The following HEPACAM variants were observed in gnomAD, a reference collection of about 807,000 sequenced individuals.
The protein encoded by HEPACAM is hepatic and glial cell adhesion molecule, also known as hepatocyte cell adhesion molecule.
In HEPACAM, 18 loss-of-function variants were observed where a neutral mutation model predicts 38.3. The observed-to-expected ratio is 0.47, with a 90% CI of 0.33 to 0.70. HEPACAM has a LOEUF of 0.70. Ranked by LOEUF, HEPACAM falls within the 30% of genes least tolerant of loss-of-function variation. HEPACAM has a pLI of 0.03. For missense variants in HEPACAM, 466 were observed against 563.0 expected, an observed-to-expected ratio of 0.83 and a Z score of 1.74; for synonymous variants, 216 against 243.1, an observed-to-expected ratio of 0.89 and a Z score of 1.04.
chr11:124,920,193 A>C lies in HEPACAM; in HGVS notation c.*945T>G. The stretch of plus-strand genomic sequence containing the variant: ...AGGACTTATTCTCACAGCTGGAGGA[A>C]GCTCAACAACTTTCCTGAGGACAAT... On this transcript the variant is annotated 3_prime_UTR_variant, in exon 7 of 7. Transcript: ENST00000298251. The C allele has an allele frequency of 1.1e-6, 1 of 885,902 alleles. No individual in the cohort carries two copies. The highest frequency in any genetic ancestry group is 1.7e-6 in the Non-Finnish European group (1 of 581,466). 54.9% of individuals were successfully genotyped at this position (885,902 alleles called of 1,614,324 possible).
In HEPACAM at chr11:124,924,908, T is replaced by C. The variant is rs1252028477; in HGVS notation, c.247A>G (p.Ile83Val). The change falls in exon 2 of 7, where the codon ATT (isoleucine) becomes GTT (valine). Residue 83 changes from isoleucine to valine, a missense_variant. Physicochemically the swap from Ile to Val is conservative, Grantham distance 29. Coordinates refer to ENST00000298251, the MANE Select transcript of HEPACAM (RefSeq NM_152722.5). The surrounding 1 kb of genome is among the most constrained non-coding windows in gnomAD (Gnocchi z 4.4). Reference protein sequence around the residue: ...RDKPVTVVQSIGTEVIGTLRP... With the variant: ...RDKPVTVVQSVGTEVIGTLRP... ...AGGGTGCCGATGACCTCTGTGCCAA[T>C]GGACTGCACCACGGTCACTGGCTTG... The C allele has an allele frequency of 1.9e-6, 3 of 1,614,096 alleles. No homozygotes were observed. The highest frequency in any genetic ancestry group is 2.7e-5 in the African/African-American group (2 of 74,932).
chr11:124,919,792 C>A lies in HEPACAM; in HGVS notation c.*1346G>T, dbSNP rs368280630. Reference sequence around the variant, plus strand: ...TTGGAATTGCTCCATGGGTTGATGGCGAATCAGAGCTGGAGTTTAGGAGAC... The same window carrying A: ...TTGGAATTGCTCCATGGGTTGATGGAGAATCAGAGCTGGAGTTTAGGAGAC... On this transcript the variant is annotated 3_prime_UTR_variant, in exon 7 of 7. Transcript: ENST00000298251. 36 of 1,613,994 alleles carry A rather than the reference C, an allele frequency of 2.2e-5. No individual in the cohort carries two copies. Among genetic ancestry groups the A allele is most frequent in the Non-Finnish European group, 3.1e-5 (36 of 1,179,974 alleles).
chr11:124,921,177 G>A lies in HEPACAM; in HGVS notation c.1212C>T (p.Arg404=). 1 of 1,527,960 alleles carries A rather than the reference G, an allele frequency of 6.5e-7. No homozygotes were observed. Among genetic ancestry groups the A allele is most frequent in the Non-Finnish European group, 8.7e-7 (1 of 1,144,606 alleles). 94.7% of individuals were successfully genotyped at this position (1,527,960 alleles called of 1,614,324 possible). A position where few individuals can be genotyped will look rare whatever the true frequency, so the allele number is the denominator to read the frequency against. The change falls in exon 7 of 7, where the codon CGC becomes CGT. Residue 404 remains arginine (R), a synonymous_variant. Transcript: ENST00000298251. The surrounding 1 kb of genome is among the most constrained non-coding windows in gnomAD (Gnocchi z 4.6). ...TLRTAGVHII[R]EQDEAGPVEI... The stretch of plus-strand genomic sequence containing the variant: ...CCACCGGGCCGGCCTCGTCTTGCTC[G>A]CGGATTATGTGCACGCCCGCAGTCC...
chr11:124,935,771 A>G, intron 1 of HEPACAM, 151 bp downstream of exon 1: 1 of 717,806 alleles, frequency 1.4e-6, no homozygotes, highest in South Asian at 1.5e-5. Context: ...GTTCAACGCT[A>G]ATGCCTGAAT....
At chr11:124,925,905 GATA>G (rs986883217) in intron 1 of HEPACAM, among the ~76,000 whole-genome samples, 24 of 152,130 alleles carry the variant, frequency 1.6e-4, no homozygotes, top group African/African-American at 5.6e-4. Flanking sequence ...GTAAAATAAG[GATA>G]ATAATAACAA....
rs1470335860 is a variant in HEPACAM at position 124,919,779 on chromosome 11, C to T, written c.*1359G>A. The T allele has an allele frequency of 1.2e-6, 2 of 1,614,086 alleles. No homozygotes were observed. The highest frequency in any genetic ancestry group is 1.7e-6 in the Non-Finnish European group (2 of 1,180,010). ...GGTAACTGGGGCCTTGGAATTGCTC[C>T]ATGGGTTGATGGCGAATCAGAGCTG... On this transcript the variant is annotated 3_prime_UTR_variant, in exon 7 of 7. Transcript: ENST00000298251.
Position 124,921,530 on chromosome 11 carries a change from A to T in HEPACAM, c.949-90T>A, listed in dbSNP as rs750059442. 1.2e-6 allele frequency: 1 copy of T among 862,524 alleles called. No homozygotes were observed. The highest frequency in any genetic ancestry group is 1.5e-6 in the Non-Finnish European group (1 of 651,690). The allele number at this position is 862,524 out of a possible 1,614,324, so 53.4% of individuals were successfully genotyped here. A position where few individuals can be genotyped will look rare whatever the true frequency, so the allele number is the denominator to read the frequency against. ...TAGAGCTTGCTGGAATTCCGAGGGG[A>T]GGGACCTAGTTTCCCTCTGCACGCC... On this transcript the variant is annotated intron_variant, in intron 6 of 6. Transcript: ENST00000298251. This position sits in a 1 kb window ranked among gnomAD's most constrained non-coding sequence, Gnocchi z 4.6.
In HEPACAM at chr11:124,919,638, G is replaced by T; in HGVS notation, c.*1500C>A. The T allele has an allele frequency of 1.6e-6, 2 of 1,243,886 alleles. No individual in the cohort carries two copies. The highest frequency in any genetic ancestry group is 2.2e-6 in the Non-Finnish European group (2 of 896,004). 77.1% of individuals were successfully genotyped at this position (1,243,886 alleles called of 1,614,324 possible). A position where few individuals can be genotyped will look rare whatever the true frequency, so the allele number is the denominator to read the frequency against. ...CCTGCTCAAATGAGCCTGGGGAAGT[G>T]CCGAGGGACAGGGAGCTGAGACAGG... is the stretch of plus-strand genomic sequence containing the variant. On this transcript the variant is annotated 3_prime_UTR_variant, in exon 7 of 7. Transcript: ENST00000298251.
chr11:124,921,028 C>G lies in HEPACAM; in HGVS notation c.*110G>C. The G allele has an allele frequency of 7.1e-7, 1 of 1,404,186 alleles. No homozygotes were observed. The highest frequency in any genetic ancestry group is 9.2e-7 in the Non-Finnish European group (1 of 1,082,426). 87.0% of individuals were successfully genotyped at this position (1,404,186 alleles called of 1,614,324 possible). On this transcript the variant is annotated 3_prime_UTR_variant, in exon 7 of 7. Transcript: ENST00000298251. This position sits in a 1 kb window ranked among gnomAD's most constrained non-coding sequence, Gnocchi z 4.6. ...CACACCCGAGACACCAGCGCCCCCC[C>G]GGGACCTCCCCTCGTCCCCAGCGCG...
At chr11:124,925,290 T>TG (rs1947194155) in intron 1 of HEPACAM, among the ~76,000 whole-genome samples, 1 of 152,242 alleles carries the variant, frequency 6.6e-6, no homozygotes, top group Admixed American at 6.5e-5. Flanking sequence ...TGGCCTTCAA[T>TG]GCTTTTTCCA....
In HEPACAM at chr11:124,923,437, G is replaced by A. The variant is rs1947165743; in HGVS notation, c.710-4C>T. 6.3e-7 allele frequency: 1 copy of A among 1,589,746 alleles called. No homozygotes were observed. Among genetic ancestry groups the A allele is most frequent in the Non-Finnish European group, 8.6e-7 (1 of 1,158,266 alleles). On this transcript the variant is annotated splice_region_variant and splice_polypyrimidine_tract_variant and intron_variant, in intron 3 of 6. Coordinates refer to ENST00000298251, the MANE Select transcript of HEPACAM (RefSeq NM_152722.5). ...ATGATGTAAAGGGAGCTTCTTCCTA[G>A]GGAGAGAGAGAAGCAGAGAGGCAGG...
Position 124,921,158 on chromosome 11 carries a change from G to C in HEPACAM, c.1231C>G (p.Pro411Ala). ...GCGGCTCAGGCGCTGATCTCCACCG[G>C]GCCGGCCTCGTCTTGCTCGCGGATT... Reference protein sequence around the residue: ...HIIREQDEAGPVEISA With the variant: ...HIIREQDEAGAVEISA Residue 411 changes from proline to alanine, a missense_variant, in exon 7 of 7, where the codon CCG (proline) becomes GCG (alanine). By Grantham distance (27) the Pro-to-Ala change is conservative. Coordinates refer to ENST00000298251, the MANE Select transcript of HEPACAM (RefSeq NM_152722.5). The surrounding 1 kb of genome is among the most constrained non-coding windows in gnomAD (Gnocchi z 4.6). 1 of 1,528,018 alleles carries C rather than the reference G, an allele frequency of 6.5e-7. No individual in the cohort carries two copies. Among genetic ancestry groups the C allele is most frequent in the Non-Finnish European group, 8.7e-7 (1 of 1,144,540 alleles). 94.7% of individuals were successfully genotyped at this position (1,528,018 alleles called of 1,614,324 possible). A position where few individuals can be genotyped will look rare whatever the true frequency, so the allele number is the denominator to read the frequency against.
At position 124,922,775 on chromosome 11, in the gene HEPACAM, C is replaced by A. The variant is rs1170806055; in HGVS notation, c.847G>T (p.Asp283Tyr). The A allele has an allele frequency of 6.2e-7, 1 of 1,614,178 alleles. No individual in the cohort carries two copies. The highest frequency in any genetic ancestry group is 8.5e-7 in the Non-Finnish European group (1 of 1,180,026). ...LEKQNSLEYM[D>Y]QNDDRLKPEA... Reference sequence around the variant, plus strand: ...GGTTTCAGGCGGTCATCATTCTGATCCATGTATTCCAGGGAGTTTTGCTTT... The same window carrying A: ...GGTTTCAGGCGGTCATCATTCTGATACATGTATTCCAGGGAGTTTTGCTTT... The change falls in exon 5 of 7, where the codon GAT becomes TAT. Residue 283 changes from aspartate (D) to tyrosine (Y), a missense_variant. Coordinates refer to ENST00000298251, the MANE Select transcript of HEPACAM (RefSeq NM_152722.5).
At position 124,924,000 on chromosome 11, in the gene HEPACAM, C is replaced by T. The variant is rs138402483; in HGVS notation, c.438G>A (p.Ser146=). 54 of 1,608,942 alleles carry T rather than the reference C, an allele frequency of 3.4e-5. No homozygotes were observed. The highest frequency in any genetic ancestry group is 8.4e-5 in the Admixed American group (5 of 59,870). ...TTGAAGCCACCAACACCTGTGGCCTCGAAATGGGCACTGAGCCGCAGGAAT... is the reference window on the plus strand; with the variant it reads ...TTGAAGCCACCAACACCTGTGGCCTTGAAATGGGCACTGAGCCGCAGGAAT... ...TINLTVDVPI[S]RPQVLVASTT... The change falls in exon 3 of 7, where the codon TCG becomes TCA. Residue 146 remains serine, a synonymous_variant. Transcript: ENST00000298251.
Position 124,934,150 on chromosome 11 carries a change from A to AT in HEPACAM, c.85+1771dup, listed in dbSNP as rs529704843. On this transcript the variant is annotated intron_variant, in intron 1 of 6. Transcript: ENST00000298251. ...TTCAATCTAAACATGTATGATACTC[A>AT]TTTTTTTTGTTTAAGGTTTCACACA... Among the ~76,000 whole-genome samples, 436 of 152,008 alleles carry AT rather than the reference A, an allele frequency of 2.9e-3. 1 individual carries two copies. The highest frequency in any genetic ancestry group is 9.8e-3 in the African/African-American group (408 of 41,452).
Position 124,920,304 on chromosome 11 carries a change from T to C in HEPACAM, c.*834A>G. ...AAAACAGTTCCTCATTTGGTCTAGT[T>C]TTCGGGCCAGGGGAGTAAGTGAAAT... On this transcript the variant is annotated 3_prime_UTR_variant, in exon 7 of 7. Transcript: ENST00000298251. 2.3e-6 allele frequency: 3 copies of C among 1,279,526 alleles called. No individual in the cohort carries two copies. Among genetic ancestry groups the C allele is most frequent in the Non-Finnish European group, 3.2e-6 (3 of 926,306 alleles). 79.3% of individuals were successfully genotyped at this position (1,279,526 alleles called of 1,614,324 possible).
Position 124,919,653 on chromosome 11 carries a change from G to C in HEPACAM, c.*1485C>G. 7.2e-7 allele frequency: 1 copy of C among 1,382,364 alleles called. No homozygotes were observed. Among genetic ancestry groups the C allele is most frequent in the Admixed American group, 2.0e-5 (1 of 50,210 alleles). The allele number at this position is 1,382,364 out of a possible 1,614,324, so 85.6% of individuals were successfully genotyped here. The stretch of plus-strand genomic sequence containing the variant: ...CTGGGGAAGTGCCGAGGGACAGGGA[G>C]CTGAGACAGGCATGCTGTGGGGTTC... On this transcript the variant is annotated 3_prime_UTR_variant, in exon 7 of 7. Transcript: ENST00000298251.
rs139887254 is a variant in HEPACAM, at chr11:124,924,921, G to A, written c.234C>T (p.Thr78=). The A allele has an allele frequency of 3.7e-4, 598 of 1,614,178 alleles. 1 individual carries two copies. The African/African-American group carries it at 5.0e-3, about 14-fold the overall frequency. Residue 78 remains threonine, a synonymous_variant, in exon 2 of 7, where the codon ACC becomes ACT. Coordinates refer to ENST00000298251, the MANE Select transcript of HEPACAM (RefSeq NM_152722.5). This position sits in a 1 kb window ranked among gnomAD's most constrained non-coding sequence, Gnocchi z 4.4. ...CCTCTGTGCCAATGGACTGCACCAC[G>A]GTCACTGGCTTGTCCCGCTTCAGCT... ...KWQLKRDKPV[T]VVQSIGTEVI...
Position 124,924,740 on chromosome 11 carries a change from G to C in HEPACAM, c.415C>G (p.Leu139Val). Residue 139 changes from leucine to valine, a missense_variant, in exon 2 of 7, where the codon CTT becomes GTT. By Grantham distance (32) the Leu-to-Val change is conservative. Coordinates refer to ENST00000298251, the MANE Select transcript of HEPACAM (RefSeq NM_152722.5). This position sits in a 1 kb window ranked among gnomAD's most constrained non-coding sequence, Gnocchi z 4.4. ...CAGAGCGCTTTACCATCTACAGTAA[G>C]GTTGATGGTCTTCTCCCCAGTGAAG... ...DTFTGEKTIN[L>V]TVDVPISRPQ... is the part of the protein sequence containing the mutation. The C allele has an allele frequency of 6.2e-7, 1 of 1,612,952 alleles. No individual in the cohort carries two copies. Among genetic ancestry groups the C allele is most frequent in the South Asian group, 1.1e-5 (1 of 91,050 alleles).
Sources: gnomAD v4.1 joint callset for allele counts (sites outside exome capture counted in the v4.1 genomes callset) on GRCh38, gnomAD v4.1.1 for gene constraint, Gnocchi (gnomAD v3.1) non-coding constraint, MANE v1.5 for transcripts, NCBI Gene and HGNC (gene_info 2026-07-23, HGNC 2026-07-21) for gene names.